The following ADGRB3 variants were observed in gnomAD, a reference collection of about 807,000 sequenced individuals.
ADGRB3 encodes adhesion G protein-coupled receptor B3.
ADGRB3 carries 37 observed loss-of-function variants against 193.4 expected under a neutral mutation model. The ratio of observed to expected loss-of-function variants is 0.19; its 90% confidence interval spans 0.15 to 0.25. The LOEUF (loss-of-function observed/expected upper bound fraction) is 0.25. Among genes scored for constraint, ADGRB3 ranks in the 10% least tolerant of loss-of-function variants. The pLI is 1.00. For synonymous variants in ADGRB3, 690 were observed against 644.2 expected (o/e 1.07, Z -1.08); for missense variants, 1,637 against 1,852.9 (o/e 0.88, Z 2.14).
chr6:69,117,931 G>A (rs1335730829), intron 17 of ADGRB3, among the ~76,000 whole-genome samples: 1 of 152,164 alleles, frequency 6.6e-6, no homozygotes, highest in Non-Finnish European at 1.5e-5. Flanking sequence ...TAGTAGCACT[G>A]TCTGATTGCA....
intron 15 of ADGRB3, among the ~76,000 whole-genome samples, chr6:69,050,252 C>T (rs1162978719): frequency 1.3e-5 from 2 of 152,058 alleles, no homozygotes; most frequent in African/African-American, 4.8e-5. Flanking sequence ...AAGGAAGCAG[C>T]AGTGATTAGG....
rs115855090 is a variant in ADGRB3 at position 69,200,197 on chromosome 6, T to G, written c.2481-33093T>G. ...ATTTTCAAGATGTTGTTTTCTAACA[T>G]GAAGTTTCAAGAAAATGAGAGAGAA... On this transcript the variant is annotated intron_variant, in intron 17 of 31. Transcript: ENST00000370598. 7.0e-3 allele frequency among the ~76,000 whole-genome samples: 1,071 copies of G among 151,946 alleles called. 11 individuals are homozygous for G. Among genetic ancestry groups the G allele is most frequent in the African/African-American group, 0.024 (997 of 41,476 alleles).
At chr6:69,190,109 A>G (rs1226736644) in intron 17 of ADGRB3, among the ~76,000 whole-genome samples, 1 of 152,140 alleles carries the variant, frequency 6.6e-6, no homozygotes, top group African/African-American at 2.4e-5. Flanking sequence ...TGGCTTATGT[A>G]TTTACTATAT....
At chr6:69,112,811 G>A (rs1159992446) in intron 17 of ADGRB3, among the ~76,000 whole-genome samples, 1 of 151,764 alleles carries the variant, frequency 6.6e-6, no homozygotes, top group Non-Finnish European at 1.5e-5. Context: ...AGGCTAGAGT[G>A]CAGTGGCACA....
At chr6:68,646,340 G>A (rs2127278259) in intron 3 of ADGRB3, among the ~76,000 whole-genome samples, 2 of 151,886 alleles carry the variant, frequency 1.3e-5, no homozygotes, top group East Asian at 3.9e-4. Flanking sequence ...AGCCAGGCGT[G>A]GTGGGGCATG....
chr6:69,055,189 T>C (rs923047534), intron 15 of ADGRB3, among the ~76,000 whole-genome samples: 1 of 152,238 alleles, frequency 6.6e-6, no homozygotes, highest in Admixed American at 6.5e-5. Flanking sequence ...TAACTATTTT[T>C]AGTGTACAGT....
At chr6:68,697,431 A>T (rs1765175443) in intron 3 of ADGRB3, among the ~76,000 whole-genome samples, 1 of 151,828 alleles carries the variant, frequency 6.6e-6, no homozygotes, top group African/African-American at 2.4e-5. Flanking sequence ...TGTTCTTTTA[A>T]AAAAAATACA....
intron 15 of ADGRB3, among the ~76,000 whole-genome samples, chr6:69,050,911 T>G (rs528435026): frequency 6.6e-6 from 1 of 152,164 alleles, no homozygotes; most frequent in African/African-American, 2.4e-5. Flanking sequence ...TAGATTAGTT[T>G]CCCTCCTAGA....
At chr6:69,030,055 C>T (rs971465216) in intron 13 of ADGRB3, among the ~76,000 whole-genome samples, 2 of 151,092 alleles carry the variant, frequency 1.3e-5, no homozygotes. Context: ...AAATCAAAAC[C>T]ACAATGAGAT....
At chr6:69,344,859 G>T (rs1356332710) in intron 26 of ADGRB3, among the ~76,000 whole-genome samples, 1 of 152,182 alleles carries the variant, frequency 6.6e-6, no homozygotes, top group Non-Finnish European at 1.5e-5. Context: ...GGTAGAGGAA[G>T]ATGGAGAAAG....
intron 3 of ADGRB3, among the ~76,000 whole-genome samples, chr6:68,641,712 T>TA (rs1370983549): frequency 6.6e-6 from 1 of 152,150 alleles, no homozygotes; most frequent in East Asian, 1.9e-4. Context: ...AAGTAATTCT[T>TA]ACAAAATACA....
Position 68,786,936 on chromosome 6 carries a change from C to T in ADGRB3, c.758-143623C>T, listed in dbSNP as rs551548512. 2.6e-5 allele frequency among the ~76,000 whole-genome samples: 4 copies of T among 151,958 alleles called. No homozygotes were observed. The South Asian group carries it at 8.3e-4, about 32-fold the overall frequency. ...AGGCAATTGTGAATGGGCGTTCACT[C>T]ATGATTTGGCTCTCTGTTTGTCTGT... On this transcript the variant is annotated intron_variant, in intron 3 of 31. Transcript: ENST00000370598.
intron 11 of ADGRB3, among the ~76,000 whole-genome samples, chr6:68,999,236 T>C (rs2150277920): frequency 6.6e-6 from 1 of 152,104 alleles, no homozygotes; most frequent in Non-Finnish European, 1.5e-5. Context: ...AGACTATTCA[T>C]TAAAGCCATG....
chr6:68,785,525 A>T (rs1376686943), intron 3 of ADGRB3, among the ~76,000 whole-genome samples: 1 of 151,732 alleles, frequency 6.6e-6, no homozygotes, highest in Admixed American at 6.6e-5. Context: ...CATGGTGTAT[A>T]TGTGCCACAT....
intron 3 of ADGRB3, among the ~76,000 whole-genome samples, chr6:68,803,135 T>C (rs1767343040): frequency 6.6e-6 from 1 of 152,204 alleles, no homozygotes; most frequent in Non-Finnish European, 1.5e-5. Context: ...TTTAAGTTTA[T>C]TTATCTTACT....
chr6:68,717,395 T>A (rs1039854346), intron 3 of ADGRB3, among the ~76,000 whole-genome samples: 2 of 151,726 alleles, frequency 1.3e-5, no homozygotes, highest in African/African-American at 4.8e-5. Flanking sequence ...GAATGTTACA[T>A]CATAACAAAT....
intron 13 of ADGRB3, among the ~76,000 whole-genome samples, chr6:69,028,831 G>T (rs1770521632): frequency 6.6e-6 from 1 of 152,110 alleles, no homozygotes; most frequent in Non-Finnish European, 1.5e-5. Flanking sequence ...CATAAAGAAA[G>T]ATATTTTTAT....
At chr6:69,272,976 C>T (rs1767213270) in intron 20 of ADGRB3, among the ~76,000 whole-genome samples, 3 of 152,210 alleles carry the variant, frequency 2.0e-5, no homozygotes, top group African/African-American at 7.2e-5. Flanking sequence ...TCTCTGCTCA[C>T]TGCAACCTCC....
At chr6:68,757,521 C>T (rs529894624) in intron 3 of ADGRB3, among the ~76,000 whole-genome samples, 5 of 151,940 alleles carry the variant, frequency 3.3e-5, no homozygotes, top group Non-Finnish European at 7.4e-5. Context: ...CTTTACCTTC[C>T]GTTTTTATTT....
Sources: allele counts gnomAD v4.1 joint callset (sites outside exome capture counted in the v4.1 genomes callset), GRCh38; gene constraint gnomAD v4.1.1; transcripts MANE v1.5; gene names NCBI Gene and HGNC (gene_info 2026-07-23, HGNC 2026-07-21).